PCDHA2: variants seen among roughly 807,000 people sequenced by gnomAD.
PCDHA2 encodes the protein protocadherin alpha-2.
In PCDHA2, 58 loss-of-function variants were observed where a neutral mutation model predicts 66.0. That is an observed-to-expected ratio of 0.88 (90% CI 0.71 to 1.09). The LOEUF (loss-of-function observed/expected upper bound fraction) is 1.09, where lower values mean the gene tolerates loss of function less well. Ranked by LOEUF, PCDHA2 falls within the 50% of genes least tolerant of loss-of-function variation. The probability of loss-of-function intolerance (pLI) is 0.00; values close to 1 mark genes in which losing one functional copy is unlikely to be tolerated. For synonymous variants in PCDHA2, 634 were observed against 554.0 expected (o/e 1.14, Z -2.03); for missense variants, 1,267 against 1,242.3 (o/e 1.02, Z -0.30).
At position 140,840,122 on chromosome 5, in the gene PCDHA2, T is replaced by A. The variant is rs184520865; in HGVS notation, c.2388+42770T>A. On this transcript the variant is annotated intron_variant, in intron 1 of 3. Coordinates refer to ENST00000526136, the MANE Select transcript of PCDHA2 (RefSeq NM_018905.3). ...TAGTGAAATCGAGTGAAAGCTGTACTAATAAGGACAGAAATTATCACACGT... is the reference window on the plus strand; with the variant it reads ...TAGTGAAATCGAGTGAAAGCTGTACAAATAAGGACAGAAATTATCACACGT... 2.2e-3 allele frequency among the ~76,000 whole-genome samples: 336 copies of A among 152,116 alleles called. 4 individuals are homozygous for A. The highest frequency in any genetic ancestry group is 7.4e-3 in the African/African-American group (307 of 41,470).
intron 1 of PCDHA2, chr5:140,827,913 C>A: frequency 1.2e-6 from 1 of 854,748 alleles, no homozygotes; most frequent in Non-Finnish European, 1.8e-6. Context: ...CGCATGATGT[C>A]GCTGTCTACC....
chr5:140,939,863 G>C (rs2092478768), intron 1 of PCDHA2, among the ~76,000 whole-genome samples: 1 of 152,064 alleles, frequency 6.6e-6, no homozygotes, highest in Non-Finnish European at 1.5e-5. Flanking sequence ...ATGTCCATTA[G>C]GTCATCTTTG....
At chr5:140,984,945 C>CA (rs1307962082) in intron 3 of PCDHA2, among the ~76,000 whole-genome samples, 2 of 149,212 alleles carry the variant, frequency 1.3e-5, no homozygotes, top group African/African-American at 4.9e-5. Flanking sequence ...AATGTCTAAT[C>CA]TTTTTTTTTT....
At chr5:140,858,299 C>A in intron 1 of PCDHA2, 1 of 1,597,210 alleles carries the variant, frequency 6.3e-7, no homozygotes, top group Non-Finnish European at 8.6e-7. Flanking sequence ...TTACTCGCAG[C>A]AGAGGCGGCA....
Position 140,849,717 on chromosome 5 carries a change from G to C in PCDHA2, c.2388+52365G>C, listed in dbSNP as rs141495063. The C allele has an allele frequency of 1.2e-4, 185 of 1,598,594 alleles. 18 individuals are homozygous for C. In the Middle Eastern group the frequency reaches 1.2e-3, roughly 10 times the overall value. ...CACCTACAAGAATTACTACTCGTTG[G>C]TGCTGGACAGAGCTCTGGACCGCGA... On this transcript the variant is annotated intron_variant, in intron 1 of 3. Coordinates refer to ENST00000526136, the MANE Select transcript of PCDHA2 (RefSeq NM_018905.3).
chr5:140,954,885 T>C (rs1291095041), intron 1 of PCDHA2, among the ~76,000 whole-genome samples: 1 of 152,218 alleles, frequency 6.6e-6, no homozygotes, highest in Non-Finnish European at 1.5e-5. Context: ...GCTTTTCTTC[T>C]AGGGTTTTTA....
In PCDHA2 at chr5:140,844,415, G is replaced by GT. The variant is rs1436440937; in HGVS notation, c.2388+47069dup. Among the ~76,000 whole-genome samples, 5 of 149,230 alleles carry GT rather than the reference G, an allele frequency of 3.4e-5. 1 individual carries two copies. Among genetic ancestry groups the GT allele is most frequent in the Non-Finnish European group, 6.0e-5 (4 of 66,716 alleles). On this transcript the variant is annotated intron_variant, in intron 1 of 3. Transcript: ENST00000526136. ...AGACCATTTTACCATTTGGAGACAT[G>GT]TTTTTTATTCTACATGATTTTTACA...
Position 140,982,684 on chromosome 5 carries a change from T to C in PCDHA2, c.2536+121T>C. Reference sequence around the variant, plus strand: ...TTTTATATTTTTGTTATTCCCTTTTTTCCATACATACATGATTTCCTTACA... The same window carrying C: ...TTTTATATTTTTGTTATTCCCTTTTCTCCATACATACATGATTTCCTTACA... On this transcript the variant is annotated intron_variant, in intron 3 of 3. Transcript: ENST00000526136. The C allele has an allele frequency of 2.8e-6, 4 of 1,425,176 alleles. No individual in the cohort carries two copies. In the South Asian group the frequency reaches 6.0e-5, roughly 21 times the overall value. 88.3% of individuals were successfully genotyped at this position (1,425,176 alleles called of 1,614,324 possible).
chr5:140,981,864 T>C (rs1554243477), intron 2 of PCDHA2, among the ~76,000 whole-genome samples: 3 of 152,294 alleles, frequency 2.0e-5, no homozygotes, highest in African/African-American at 7.2e-5. Context: ...CCCAGCAATG[T>C]TTTATGCTGA....
intron 1 of PCDHA2, chr5:140,868,533 C>T (rs1265642890): frequency 6.6e-6 from 1 of 152,534 alleles, no homozygotes; most frequent in African/African-American, 2.4e-5. Context: ...GAAAGTAAAA[C>T]AATTCAAATT....
At chr5:140,876,217 G>A (rs976376933) in intron 1 of PCDHA2, 1 of 1,614,006 alleles carries the variant, frequency 6.2e-7, no homozygotes. Flanking sequence ...CAGCTATAAA[G>A]TAGTGTTGTC....
chr5:140,929,589 G>T lies in PCDHA2; in HGVS notation c.2389-49360G>T, dbSNP rs183312863. 667 of 427,178 alleles carry T rather than the reference G, an allele frequency of 1.6e-3. 2 individuals are homozygous for T. The highest frequency in any genetic ancestry group is 3.3e-3 in the Admixed American group (76 of 23,230). The allele number at this position is 427,178 out of a possible 1,614,324, so 26.5% of individuals were successfully genotyped here. A position where few individuals can be genotyped will look rare whatever the true frequency, so the allele number is the denominator to read the frequency against. On this transcript the variant is annotated intron_variant, in intron 1 of 3. Coordinates refer to ENST00000526136, the MANE Select transcript of PCDHA2 (RefSeq NM_018905.3). ...AACAATAAAAGTAATATGACATAAA[G>T]GTCTAAAATTAAAAATAAAATACCA...
At chr5:140,808,545 CG>C (rs1562217441) in intron 1 of PCDHA2, 1 of 1,614,116 alleles carries the variant, frequency 6.2e-7, no homozygotes, top group Admixed American at 1.7e-5. Flanking sequence ...GACAACGCTC[CG>C]GCGTTCGCGC....
intron 1 of PCDHA2, chr5:140,967,271 A>T (rs1007708043): frequency 6.2e-7 from 1 of 1,613,338 alleles, no homozygotes; most frequent in African/African-American, 1.3e-5. Context: ...GCGCTTTCAC[A>T]TAGAGAGTGC....
chr5:140,804,003 G>A (rs1177330253), intron 1 of PCDHA2: 4 of 223,648 alleles, frequency 1.8e-5, no homozygotes, highest in Non-Finnish European at 2.6e-5. Flanking sequence ...TAGTACAAAT[G>A]TTACTTGCTC....
At chr5:140,845,439 T>C (rs965524315) in intron 1 of PCDHA2, among the ~76,000 whole-genome samples, 1 of 149,744 alleles carries the variant, frequency 6.7e-6, no homozygotes, top group Non-Finnish European at 1.5e-5. Flanking sequence ...ATTTTAGTTC[T>C]GTTTTTCTTC....
At chr5:140,982,253 A>G (rs1209317234) in intron 2 of PCDHA2, 16 of 777,640 alleles carry the variant, frequency 2.1e-5, no homozygotes, top group Admixed American at 3.3e-5. Context: ...AAGATAGAAC[A>G]TGTGTGTTCC....
intron 1 of PCDHA2, among the ~76,000 whole-genome samples, chr5:140,953,593 G>T (rs1392522676): frequency 6.6e-6 from 1 of 152,026 alleles, no homozygotes; most frequent in African/African-American, 2.4e-5. Context: ...GCCTCCTTTT[G>T]TTTATTCCCC....
At chr5:140,969,241 A>G (rs1554231627) in intron 1 of PCDHA2, 2 of 1,614,230 alleles carry the variant, frequency 1.2e-6, no homozygotes, top group Admixed American at 3.3e-5. Context: ...CCCAAGCAGC[A>G]GTGACTGACA....
Sources: gnomAD v4.1 joint callset for allele counts (sites outside exome capture counted in the v4.1 genomes callset) on GRCh38, gnomAD v4.1.1 for gene constraint, MANE v1.5 for transcripts, NCBI Gene and HGNC (gene_info 2026-07-23, HGNC 2026-07-21) for gene names.